EXOC1: variants seen among roughly 807,000 people sequenced by gnomAD.
EXOC1 encodes exocyst complex component 1.
Under a neutral mutation model 107.7 loss-of-function variants are expected in EXOC1, and 67 were observed. That is an observed-to-expected ratio of 0.62 (90% CI 0.51 to 0.76). The LOEUF (loss-of-function observed/expected upper bound fraction) is 0.76. EXOC1 is among the 30% of genes least tolerant of loss of function. EXOC1 has a pLI of 0.00. For synonymous variants in EXOC1, 348 were observed against 353.5 expected (o/e 0.98, Z 0.17); for missense variants, 833 against 1,055.7 (o/e 0.79, Z 2.92).
intron 13 of EXOC1, among the ~76,000 whole-genome samples, chr4:55,891,994 G>C (rs962684620): frequency 6.6e-6 from 1 of 152,124 alleles, no homozygotes; most frequent in Non-Finnish European, 1.5e-5. Flanking sequence ...AATAAGATGA[G>C]AGAGTTTCTT....
intron 8 of EXOC1, chr4:55,876,569 A>C (rs1722911900): frequency 1.0e-6 from 1 of 983,226 alleles, no homozygotes; most frequent in African/African-American, 1.7e-5. Flanking sequence ...TCAGAATTAC[A>C]GAAAGGGATT....
chr4:55,856,326 C>T (rs373839457), intron 1 of EXOC1, among the ~76,000 whole-genome samples: 5 of 152,282 alleles, frequency 3.3e-5, no homozygotes, highest in South Asian at 2.1e-4. Flanking sequence ...GGGAAATGAG[C>T]ACTGTCTCCA....
chr4:55,899,290 T>A (rs1725608421), intron 16 of EXOC1, among the ~76,000 whole-genome samples: 1 of 152,170 alleles, frequency 6.6e-6, no homozygotes, highest in African/African-American at 2.4e-5. Flanking sequence ...TCTTTAGTAC[T>A]TATGATTGTA....
chr4:55,897,004 A>G (rs10014018), intron 16 of EXOC1, 104 bp downstream of exon 16: 655,948 of 913,850 alleles, frequency 0.72, 238,030 homozygotes, highest in East Asian at 0.97. Context: ...ATATCTTATA[A>G]TCTTTTTTAG....
chr4:55,891,766 G>A (rs1724575210), intron 13 of EXOC1, among the ~76,000 whole-genome samples: 1 of 151,886 alleles, frequency 6.6e-6, no homozygotes, highest in African/African-American at 2.4e-5. Context: ...TAAATATAAT[G>A]TTTTAAAATG....
At chr4:55,875,894 A>G (rs985378528) in intron 8 of EXOC1, 38 of 892,560 alleles carry the variant, frequency 4.3e-5, no homozygotes, top group Admixed American at 6.2e-5. Flanking sequence ...GTAAGACTCC[A>G]TCTCTATTAA....
In EXOC1 at chr4:55,871,079, G is replaced by A. The variant is rs778979573; in HGVS notation, c.832-22G>A. On this transcript the variant is annotated intron_variant, in intron 6 of 18. Coordinates refer to ENST00000381295, the MANE Select transcript of EXOC1 (RefSeq NM_001024924.2). The stretch of plus-strand genomic sequence containing the variant: ...ATTTCCCAAAATTACACATGCAAAT[G>A]GTGTGTTTGCATATATTCTAGAACC... The A allele has an allele frequency of 3.1e-6, 5 of 1,608,666 alleles. No individual in the cohort carries two copies. In the South Asian group the frequency reaches 4.4e-5, roughly 14 times the overall value.
Position 55,899,785 on chromosome 4 carries a change from A to G in EXOC1, c.2238A>G (p.Ser746=). 6.2e-7 allele frequency: 1 copy of G among 1,613,678 alleles called. No individual in the cohort carries two copies. Among genetic ancestry groups the G allele is most frequent in the Non-Finnish European group, 8.5e-7 (1 of 1,179,744 alleles). ...IFATLSRLKI[S]CLEAEKKEAK... ...CAACTCTTTCTCGATTGAAAATCTC[A>G]TGTCTAGAAGCAGAAAAAAAAGAAG... Residue 746 remains serine (S), a synonymous_variant, in exon 17 of 19, where the codon TCA becomes TCG. Coordinates refer to ENST00000381295, the MANE Select transcript of EXOC1 (RefSeq NM_001024924.2).
rs1343812448 is a variant in EXOC1, at chr4:55,871,940, C to T, written c.1056C>T (p.Asn352=). 1.9e-6 allele frequency: 3 copies of T among 1,613,474 alleles called. No individual in the cohort carries two copies. The highest frequency in any genetic ancestry group is 3.3e-5 in the Admixed American group (2 of 59,946). The change falls in exon 8 of 19, where the codon AAC becomes AAT. Residue 352 remains asparagine, a synonymous_variant. Coordinates refer to ENST00000381295, the MANE Select transcript of EXOC1 (RefSeq NM_001024924.2). ...CCCGGAGACTGGCCAGTCACCTCAA[C>T]AATGTTTTTGTTCAACAGGTAATTT... ...LFARRLASHL[N]NVFVQQGHDQ...
At chr4:55,871,705 T>A in intron 7 of EXOC1, 144 bp from the exon 8 acceptor site, 2 of 641,296 alleles carry the variant, frequency 3.1e-6, no homozygotes, top group Non-Finnish European at 2.7e-6. Context: ...CCCATTTTTC[T>A]CCTGCTTAAC....
chr4:55,869,797 G>A (rs748724164), intron 5 of EXOC1, among the ~76,000 whole-genome samples: 18 of 152,180 alleles, frequency 1.2e-4, no homozygotes, highest in Admixed American at 8.5e-4. Flanking sequence ...AAACCACAGC[G>A]TCAGCTGTAC....
intron 12 of EXOC1, among the ~76,000 whole-genome samples, 200 bp downstream of exon 12, chr4:55,890,586 A>G (rs922223066): frequency 3.3e-5 from 5 of 152,170 alleles, no homozygotes; most frequent in African/African-American, 1.2e-4. Flanking sequence ...TTATCAATGA[A>G]ATGGCATAAA....
At position 55,868,474 on chromosome 4, in the gene EXOC1, CGG is replaced by C. The variant is rs1722147340; in HGVS notation, c.555_556del (p.Glu186SerfsTer17). The C allele has an allele frequency of 6.2e-7, 1 of 1,613,228 alleles. No individual in the cohort carries two copies. The highest frequency in any genetic ancestry group is 1.3e-5 in the African/African-American group (1 of 74,826). On this transcript the variant is annotated frameshift_variant, in exon 5 of 19. Transcript: ENST00000381295. LOFTEE classifies it high-confidence loss of function. ...GGCTGTGAATATGCAATCTCGAATG[CGG>C]AAGCCTTTGCAGAAAAATTGTCCAG...
intron 4 of EXOC1, among the ~76,000 whole-genome samples, chr4:55,864,728 G>A (rs376338021): frequency 6.6e-6 from 1 of 152,026 alleles, no homozygotes; most frequent in African/African-American, 2.4e-5. Flanking sequence ...CATTTTTCAT[G>A]TTGTTGAATA....
In EXOC1 at chr4:55,899,893, A is replaced by G. The variant is rs549757802; in HGVS notation, c.2337+9A>G. ...CTCTTGAAAAACTAAATGTAAATAT[A>G]TTTTCATTCAGTATTTTTCCTACTT... is the stretch of plus-strand genomic sequence containing the variant. On this transcript the variant is annotated intron_variant, in intron 17 of 18. Coordinates refer to ENST00000381295, the MANE Select transcript of EXOC1 (RefSeq NM_001024924.2). 442 of 1,596,240 alleles carry G rather than the reference A, an allele frequency of 2.8e-4. 7 individuals carry two copies. In the South Asian group the frequency reaches 4.5e-3, roughly 16 times the overall value.
At chr4:55,875,975 T>A in intron 8 of EXOC1, 2 of 957,382 alleles carry the variant, frequency 2.1e-6, no homozygotes, top group African/African-American at 3.5e-5. Context: ...AATATCTATA[T>A]CTGGCTAGTA....
intron 8 of EXOC1, chr4:55,872,653 C>T (rs1158810528): frequency 1.0e-5 from 3 of 299,346 alleles, no homozygotes; most frequent in Admixed American, 6.5e-5. Context: ...GGGAATATCT[C>T]GTTCATCAAG....
intron 9 of EXOC1, among the ~76,000 whole-genome samples, chr4:55,881,606 A>G (rs980206470): frequency 1.3e-5 from 2 of 152,154 alleles, no homozygotes; most frequent in Non-Finnish European, 2.9e-5. Context: ...TGGTCTGGAA[A>G]GGCCAAACAA....
chr4:55,864,706 A>G (rs764990551), intron 4 of EXOC1, among the ~76,000 whole-genome samples: 2 of 152,228 alleles, frequency 1.3e-5, no homozygotes, highest in African/African-American at 2.4e-5. Flanking sequence ...TTTTCATATA[A>G]TGTATCATGA....
Sources: gnomAD v4.1 joint callset for allele counts (sites outside exome capture counted in the v4.1 genomes callset) on GRCh38, gnomAD v4.1.1 for gene constraint, MANE v1.5 for transcripts, NCBI Gene and HGNC (gene_info 2026-07-23, HGNC 2026-07-21) for gene names.